The following MLLT1 variants were observed in gnomAD, a reference collection of about 807,000 sequenced individuals.
MLLT1 encodes MLLT1 super elongation complex subunit.
Under a neutral mutation model 55.1 loss-of-function variants are expected in MLLT1, and 11 were observed. The observed-to-expected ratio is 0.20, with a 90% CI of 0.13 to 0.33. MLLT1 has a LOEUF of 0.33. MLLT1 is among the 10% of genes least tolerant of loss of function. The pLI, the probability that MLLT1 is intolerant of heterozygous loss-of-function variation, is 1.00. For synonymous variants in MLLT1, 323 were observed against 320.1 expected, an observed-to-expected ratio of 1.01 and a Z score of -0.10; for missense variants, 536 against 760.6, an observed-to-expected ratio of 0.70 and a Z score of 3.47.
intron 2 of MLLT1, among the ~76,000 whole-genome samples, chr19:6,265,542 C>T (rs1033845988): frequency 7.2e-5 from 11 of 152,090 alleles, no homozygotes; most frequent in East Asian, 1.9e-4. Context: ...AGGTGGTGCA[C>T]GCCTGTAATC....
chr19:6,215,511 G>T (rs2090833165), intron 8 of MLLT1, among the ~76,000 whole-genome samples: 1 of 152,198 alleles, frequency 6.6e-6, no homozygotes, highest in South Asian at 2.1e-4. Context: ...TCTGCGGTGG[G>T]TGGGAATCCC....
At chr19:6,253,426 C>A (rs1196512993) in intron 3 of MLLT1, among the ~76,000 whole-genome samples, 1 of 152,076 alleles carries the variant, frequency 6.6e-6, no homozygotes, top group Non-Finnish European at 1.5e-5. Flanking sequence ...ACCACTCCTG[C>A]TCAAACTCTA....
chr19:6,235,365 C>T lies in MLLT1; in HGVS notation c.277-4652G>A, dbSNP rs191651494. 2.0e-5 allele frequency among the ~76,000 whole-genome samples: 3 copies of T among 152,280 alleles called. No homozygotes were observed. The highest frequency in any genetic ancestry group is 6.5e-5 in the Admixed American group (1 of 15,300). On this transcript the variant is annotated intron_variant, in intron 3 of 11. Transcript: ENST00000252674. The surrounding 1 kb of genome is among the most constrained non-coding windows in gnomAD (Gnocchi z 5.5). ...TGCCTCCTAGGCCTCAGGTTCCTCA[C>T]GGGCAGCATGGGGGGATTCGCTGCA...
rs980298968 is a variant in MLLT1 at position 6,229,550 on chromosome 19, T to C, written c.420+1020A>G. On this transcript the variant is annotated intron_variant, in intron 4 of 11. Transcript: ENST00000252674. The surrounding 1 kb of genome is among the most constrained non-coding windows in gnomAD (Gnocchi z 5.2). Reference sequence around the variant, plus strand: ...ATACACACCTGACACATTCACATACTCCCCATAACACACGTCACACCATAC... The same window carrying C: ...ATACACACCTGACACATTCACATACCCCCCATAACACACGTCACACCATAC... Among the ~76,000 whole-genome samples, 20 of 149,184 alleles carry C rather than the reference T, an allele frequency of 1.3e-4. No individual in the cohort carries two copies. The highest frequency in any genetic ancestry group is 1.0e-4 in the Non-Finnish European group (7 of 67,412).
intron 2 of MLLT1, among the ~76,000 whole-genome samples, chr19:6,268,420 G>C (rs554161223): frequency 1.3e-5 from 2 of 152,348 alleles, no homozygotes; most frequent in Admixed American, 1.3e-4. Flanking sequence ...CTGGTATTAA[G>C]AGGAGTCCAG....
At position 6,256,661 on chromosome 19, in the gene MLLT1, G is replaced by C. The variant is rs1050626510; in HGVS notation, c.276+5567C>G. Among the ~76,000 whole-genome samples the C allele has an allele frequency of 9.9e-5, 15 of 152,098 alleles. No individual in the cohort carries two copies. The highest frequency in any genetic ancestry group is 1.9e-4 in the Non-Finnish European group (13 of 68,020). ...CCCAGCTACTCGGGAGGCTGAGGCAGGAGAATGGTGTGAACCCGGGAGGCG... is the reference window on the plus strand; with the variant it reads ...CCCAGCTACTCGGGAGGCTGAGGCACGAGAATGGTGTGAACCCGGGAGGCG... On this transcript the variant is annotated intron_variant, in intron 3 of 11. Transcript: ENST00000252674. The surrounding 1 kb of genome is among the most constrained non-coding windows in gnomAD (Gnocchi z 4.1).
At position 6,270,776 on chromosome 19, in the gene MLLT1, T is replaced by C; in HGVS notation, c.13-17A>G. 2.5e-6 allele frequency: 4 copies of C among 1,587,726 alleles called. No homozygotes were observed. The highest frequency in any genetic ancestry group is 3.4e-6 in the Non-Finnish European group (4 of 1,163,754). On this transcript the variant is annotated splice_polypyrimidine_tract_variant and intron_variant, in intron 1 of 11. Coordinates refer to ENST00000252674, the MANE Select transcript of MLLT1 (RefSeq NM_005934.4). This position sits in a 1 kb window ranked among gnomAD's most constrained non-coding sequence, Gnocchi z 7.1. ...GACGGTGCACTGGAGGAGAGAGAGG[T>C]GGGGAGATGAAGTCAGCACACGCCT...
chr19:6,225,587 C>A (rs1181841498), intron 5 of MLLT1, among the ~76,000 whole-genome samples: 1 of 152,220 alleles, frequency 6.6e-6, no homozygotes, highest in Admixed American at 6.5e-5. Context: ...CTGCCCGATG[C>A]TCCCCACAGA....
rs547086817 is a variant in MLLT1 at position 6,242,896 on chromosome 19, A to G, written c.277-12183T>C. 2.6e-5 allele frequency among the ~76,000 whole-genome samples: 4 copies of G among 152,226 alleles called. No individual in the cohort carries two copies. In the South Asian group the frequency reaches 8.3e-4, roughly 32 times the overall value. On this transcript the variant is annotated intron_variant, in intron 3 of 11. Transcript: ENST00000252674. ...GTCATCTCAGATGACCCCTCTCCCC[A>G]TCTGACAGCAGCTCTCTCTGCCCCT...
intron 3 of MLLT1, among the ~76,000 whole-genome samples, chr19:6,248,871 G>A (rs2091191177): frequency 1.3e-5 from 2 of 152,066 alleles, no homozygotes; most frequent in Admixed American, 1.3e-4. Flanking sequence ...AGGTCCTATG[G>A]GAATTCTCTG....
rs192876962 is a variant in MLLT1 at position 6,254,482 on chromosome 19, C to A, written c.276+7746G>T. Among the ~76,000 whole-genome samples the A allele has an allele frequency of 5.4e-3, 825 of 152,330 alleles. 3 individuals are homozygous for A. The highest frequency in any genetic ancestry group is 0.016 in the African/African-American group (679 of 41,574). On this transcript the variant is annotated intron_variant, in intron 3 of 11. Transcript: ENST00000252674. ...AGTACAGGTGGCAGTCTGGGACTCG[C>A]GACTGGCATCTGAAGTGGGGGCTGT... is the stretch of plus-strand genomic sequence containing the variant.
chr19:6,233,393 G>A (rs952089060), intron 3 of MLLT1, among the ~76,000 whole-genome samples: 3 of 152,336 alleles, frequency 2.0e-5, no homozygotes, highest in Middle Eastern at 3.4e-3. Context: ...GGGTGTGGCC[G>A]ACAGTGACCT....
At chr19:6,261,450 G>A (rs2091304856) in intron 3 of MLLT1, among the ~76,000 whole-genome samples, 1 of 152,100 alleles carries the variant, frequency 6.6e-6, no homozygotes, top group Non-Finnish European at 1.5e-5. Context: ...CAGTAACCAA[G>A]CGGGGCGGCA....
chr19:6,236,274 ACTTT>A lies in MLLT1; in HGVS notation c.277-5565_277-5562del, dbSNP rs986704646. ...TGCAGAGCGCTGATGGTGACCAGGC[ACTTT>A]CTAAGCACTCAGCGGATACGAATGC... On this transcript the variant is annotated intron_variant, in intron 3 of 11. Coordinates refer to ENST00000252674, the MANE Select transcript of MLLT1 (RefSeq NM_005934.4). Among the ~76,000 whole-genome samples, 20 of 152,182 alleles carry A rather than the reference ACTTT, an allele frequency of 1.3e-4. 1 individual carries two copies. Among genetic ancestry groups the A allele is most frequent in the African/African-American group, 4.3e-4 (18 of 41,446 alleles).
At position 6,230,233 on chromosome 19, in the gene MLLT1, G is replaced by A. The variant is rs999449304; in HGVS notation, c.420+337C>T. On this transcript the variant is annotated intron_variant, in intron 4 of 11. Coordinates refer to ENST00000252674, the MANE Select transcript of MLLT1 (RefSeq NM_005934.4). The surrounding 1 kb of genome is among the most constrained non-coding windows in gnomAD (Gnocchi z 9.0). ...GCGCACGGCAGGGGCCCTGTGCGGA[G>A]GCCCTGCCCAGCTAGTTACAAGCCA... Among the ~76,000 whole-genome samples, 5 of 152,194 alleles carry A rather than the reference G, an allele frequency of 3.3e-5. No individual in the cohort carries two copies. The highest frequency in any genetic ancestry group is 7.4e-5 in the Non-Finnish European group (5 of 68,016).
At chr19:6,228,384 A>G (rs2090973677) in intron 4 of MLLT1, among the ~76,000 whole-genome samples, 1 of 152,182 alleles carries the variant, frequency 6.6e-6, no homozygotes, top group African/African-American at 2.4e-5. Flanking sequence ...GCTCTAGCAC[A>G]GACCGTTGAG....
At chr19:6,267,066 G>C (rs2144952358) in intron 2 of MLLT1, among the ~76,000 whole-genome samples, 1 of 152,200 alleles carries the variant, frequency 6.6e-6, no homozygotes, top group East Asian at 1.9e-4. Context: ...AGGAGTTGGA[G>C]TTCAGTCTGG....
Position 6,222,099 on chromosome 19 carries a change from C to T in MLLT1, c.1110+22G>A. 6.8e-7 allele frequency: 1 copy of T among 1,479,978 alleles called. No individual in the cohort carries two copies. Among genetic ancestry groups the T allele is most frequent in the Non-Finnish European group, 9.0e-7 (1 of 1,113,080 alleles). 91.7% of individuals were successfully genotyped at this position (1,479,978 alleles called of 1,614,324 possible). A position where few individuals can be genotyped will look rare whatever the true frequency, so the allele number is the denominator to read the frequency against. On this transcript the variant is annotated intron_variant, in intron 6 of 11. Transcript: ENST00000252674. The surrounding 1 kb of genome is among the most constrained non-coding windows in gnomAD (Gnocchi z 4.1). ...CACCACACTGCCTGCACCTGGCTGC[C>T]CTGCCCCCAGCACTCACTCACCTCG...
Position 6,211,513 on chromosome 19 carries a change from G to A in MLLT1, c.*1529C>T. The A allele has an allele frequency of 4.1e-6, 3 of 726,094 alleles. No individual in the cohort carries two copies. The highest frequency in any genetic ancestry group is 5.3e-6 in the Non-Finnish European group (3 of 569,166). The allele number at this position is 726,094 out of a possible 1,614,324, so 45.0% of individuals were successfully genotyped here. A position where few individuals can be genotyped will look rare whatever the true frequency, so the allele number is the denominator to read the frequency against. ...GGACAAGATGAGGGACCTCAGGGAG[G>A]GACAGATGGAGCCCCCCAAGTCTGA... On this transcript the variant is annotated 3_prime_UTR_variant, in exon 12 of 12. Coordinates refer to ENST00000252674, the MANE Select transcript of MLLT1 (RefSeq NM_005934.4). This position sits in a 1 kb window ranked among gnomAD's most constrained non-coding sequence, Gnocchi z 4.6.
Sources: allele counts gnomAD v4.1 joint callset (sites outside exome capture counted in the v4.1 genomes callset), GRCh38; gene constraint gnomAD v4.1.1; non-coding constraint Gnocchi (gnomAD v3.1); transcripts MANE v1.5; gene names NCBI Gene and HGNC (gene_info 2026-07-23, HGNC 2026-07-21).